SAMMSON: variants seen among roughly 807,000 people sequenced by gnomAD.
SAMMSON encodes survival associated mitochondrial melanoma specific oncogenic non-coding RNA.
intron 9 of SAMMSON, among the ~76,000 whole-genome samples, chr3:70,362,284 T>C (rs1702877287): frequency 6.6e-6 from 1 of 152,144 alleles, no homozygotes; most frequent in South Asian, 2.1e-4. Flanking sequence ...ACATTAGAAA[T>C]TAATTGATCT....
chr3:70,286,135 T>C (rs1160987086), intron 6 of SAMMSON, among the ~76,000 whole-genome samples: 2 of 152,250 alleles, frequency 1.3e-5, no homozygotes, highest in Non-Finnish European at 2.9e-5. Flanking sequence ...TCCTTGCCCA[T>C]GCCTATGTCC....
At chr3:70,058,126 A>G (rs2067174659) in intron 3 of SAMMSON, among the ~76,000 whole-genome samples, 2 of 152,050 alleles carry the variant, frequency 1.3e-5, no homozygotes, top group Non-Finnish European at 2.9e-5. Flanking sequence ...CAGCCTCAAG[A>G]AAGTTGATGA....
rs67138504 is a variant in SAMMSON at position 70,340,399 on chromosome 3, A to T, written n.740-13776A>T. Among the ~76,000 whole-genome samples, 387 of 151,046 alleles carry T rather than the reference A, an allele frequency of 2.6e-3. 1 individual carries two copies. Among genetic ancestry groups the T allele is most frequent in the African/African-American group, 6.9e-3 (285 of 41,142 alleles). ...TAGAACTAAAGTATATATATATATA[A>T]AAAAAGCAGGGTATCCTTAGAAAGC... is the stretch of plus-strand genomic sequence containing the variant. On this transcript the variant is annotated intron_variant and non_coding_transcript_variant, in intron 7 of 9. Coordinates refer to ENST00000642114, the Ensembl canonical transcript of SAMMSON.
intron 4 of SAMMSON, among the ~76,000 whole-genome samples, chr3:70,178,055 C>T (rs1701021351): frequency 6.6e-6 from 1 of 152,106 alleles, no homozygotes. Context: ...GCAAGATGAA[C>T]CAGTTGGCCG....
chr3:70,116,491 A>G (rs1038441759), intron 4 of SAMMSON, among the ~76,000 whole-genome samples: 1 of 151,722 alleles, frequency 6.6e-6, no homozygotes, highest in Admixed American at 6.6e-5. Flanking sequence ...TTTCCTACCA[A>G]TTTTCTAATG....
intron 4 of SAMMSON, among the ~76,000 whole-genome samples, chr3:70,242,083 C>A (rs1334868740): frequency 6.6e-6 from 1 of 152,088 alleles, no homozygotes; most frequent in East Asian, 1.9e-4. Flanking sequence ...AGGGTAAGGG[C>A]CAATGATGTG....
intron 4 of SAMMSON, among the ~76,000 whole-genome samples, chr3:70,156,591 T>G (rs2067593134): frequency 1.3e-5 from 2 of 152,064 alleles, no homozygotes; most frequent in Non-Finnish European, 1.5e-5. Context: ...GGTCGTTATC[T>G]GTTGTAAATG....
intron 4 of SAMMSON, among the ~76,000 whole-genome samples, chr3:70,140,842 T>C (rs1332315186): frequency 6.6e-6 from 1 of 152,142 alleles, no homozygotes; most frequent in Admixed American, 6.5e-5. Flanking sequence ...CTCATTTCCA[T>C]CTGAGTCTTC....
intron 2 of SAMMSON, among the ~76,000 whole-genome samples, chr3:70,419,290 G>A (rs1218023472): frequency 6.6e-6 from 1 of 151,842 alleles, no homozygotes; most frequent in Non-Finnish European, 1.5e-5. Context: ...GCCTCAGCCT[G>A]CCAAAGTGCT....
At chr3:70,370,200 A>T (rs941894737) in intron 9 of SAMMSON, among the ~76,000 whole-genome samples, 1 of 151,844 alleles carries the variant, frequency 6.6e-6, no homozygotes, top group Non-Finnish European at 1.5e-5. Flanking sequence ...CACTTTCTTT[A>T]TCCATTCATC....
rs141568574 is a variant in SAMMSON at position 70,327,068 on chromosome 3, G to C, written n.740-27107G>C. ...AGATGGGGTTTCGCCATGTTGACCA[G>C]GCTGGTCTCGAACTCTTCACCTCAA... On this transcript the variant is annotated intron_variant and non_coding_transcript_variant, in intron 7 of 9. Transcript: ENST00000642114. Among the ~76,000 whole-genome samples the C allele has an allele frequency of 3.4e-4, 52 of 152,230 alleles. 1 individual carries two copies. In the East Asian group the frequency reaches 9.5e-3, roughly 28 times the overall value.
intron 4 of SAMMSON, among the ~76,000 whole-genome samples, chr3:70,141,550 T>C (rs1433719081): frequency 6.7e-6 from 1 of 148,856 alleles, no homozygotes; most frequent in Non-Finnish European, 1.5e-5. Context: ...CCAGAAATAA[T>C]ATTTACCTGC....
At chr3:70,084,994 C>T (rs1432653486) in intron 4 of SAMMSON, among the ~76,000 whole-genome samples, 1 of 152,122 alleles carries the variant, frequency 6.6e-6, no homozygotes, top group South Asian at 2.1e-4. Context: ...TACCTCAAGA[C>T]TGGGTGGATG....
At chr3:70,037,961 G>A (rs79504469) in intron 3 of SAMMSON, among the ~76,000 whole-genome samples, 7,556 of 152,230 alleles carry the variant, frequency 0.05, 334 homozygotes, top group Admixed American at 0.11. Context: ...CTTCCATACT[G>A]GGGATTATTA....
chr3:70,014,821 C>T (rs1258651546), intron 3 of SAMMSON: 1 of 152,116 alleles, frequency 6.6e-6, no homozygotes, highest in Non-Finnish European at 1.5e-5. Flanking sequence ...TATCTCAAGA[C>T]TTGTGGTGTT....
intron 6 of SAMMSON, among the ~76,000 whole-genome samples, chr3:70,279,780 G>T (rs905334099): frequency 1.3e-5 from 2 of 152,064 alleles, no homozygotes; most frequent in Admixed American, 1.3e-4. Flanking sequence ...TCCTTCCATG[G>T]GCTGTTCTGG....
intron 2 of SAMMSON, among the ~76,000 whole-genome samples, chr3:70,422,028 C>T (rs11720819): frequency 0.12 from 18,072 of 151,828 alleles, 1,355 homozygotes; most frequent in East Asian, 0.31. Flanking sequence ...GAACTACTTA[C>T]GAGGAACCTT....
intron 4 of SAMMSON, among the ~76,000 whole-genome samples, chr3:70,180,236 G>A (rs915494189): frequency 6.6e-6 from 1 of 151,986 alleles, no homozygotes; most frequent in African/African-American, 2.4e-5. Flanking sequence ...AATGAGTATA[G>A]TAATATCTTT....
chr3:70,279,404 C>A (rs1047238854), intron 6 of SAMMSON, among the ~76,000 whole-genome samples: 1 of 152,058 alleles, frequency 6.6e-6, no homozygotes, highest in Admixed American at 6.6e-5. Context: ...ATATCACACT[C>A]GTCAGAAAGA....
Sources: allele counts gnomAD v4.1 joint callset (sites outside exome capture counted in the v4.1 genomes callset), GRCh38; gene constraint gnomAD v4.1.1; transcripts MANE v1.5; gene names NCBI Gene and HGNC (gene_info 2026-07-23, HGNC 2026-07-21).